GTF2B: variants seen among roughly 807,000 people sequenced by gnomAD.
The protein encoded by GTF2B is general transcription factor IIB, also known as transcription initiation factor IIB.
A neutral mutation model predicts 34.6 loss-of-function variants in GTF2B; 20 were observed. The ratio of observed to expected loss-of-function variants is 0.58; its 90% CI spans 0.41 to 0.84. The LOEUF (loss-of-function observed/expected upper bound fraction) is 0.84, where lower values mean the gene tolerates loss of function less well. Ranked by LOEUF, GTF2B falls within the 40% of genes least tolerant of loss-of-function variation. GTF2B has a pLI of 0.00. For missense variants in GTF2B, 237 were observed against 393.3 expected (o/e 0.60, Z 3.36); for synonymous variants, 142 against 132.4 (o/e 1.07, Z -0.50).
chr1:88,876,192 A>AT (rs939249014), intron 2 of GTF2B, among the ~76,000 whole-genome samples: 1 of 152,174 alleles, frequency 6.6e-6, no homozygotes, highest in Non-Finnish European at 1.5e-5. Flanking sequence ...ATGAAACCTG[A>AT]TTTTTTCCTT....
intron 2 of GTF2B, among the ~76,000 whole-genome samples, chr1:88,865,259 AT>A (rs1483574623): frequency 6.6e-6 from 1 of 152,252 alleles, no homozygotes; most frequent in East Asian, 1.9e-4. Flanking sequence ...TTTAAAGATT[AT>A]AAAGACTAAG....
intron 1 of GTF2B, among the ~76,000 whole-genome samples, 196 bp downstream of exon 1, chr1:88,891,287 C>CAGCTT (rs1674198156): frequency 6.6e-6 from 1 of 152,206 alleles, no homozygotes; most frequent in Admixed American, 6.6e-5. Context: ...ATAACGTCAA[C>CAGCTT]AGCTCGGTAA....
intron 2 of GTF2B, among the ~76,000 whole-genome samples, chr1:88,870,668 C>G (rs1412384779): frequency 1.3e-5 from 2 of 152,120 alleles, no homozygotes; most frequent in East Asian, 3.8e-4. Flanking sequence ...TGGCAAAAAA[C>G]ATATTCCATT....
chr1:88,873,065 A>T (rs1673735176), intron 2 of GTF2B, among the ~76,000 whole-genome samples: 1 of 152,092 alleles, frequency 6.6e-6, no homozygotes, highest in African/African-American at 2.4e-5. Context: ...AATCCAATCC[A>T]GATAATCTTC....
At position 88,857,210 on chromosome 1, in the gene GTF2B, T is replaced by C. The variant is rs1364291111; in HGVS notation, c.813A>G (p.Gln271=). 5.6e-6 allele frequency: 9 copies of C among 1,605,526 alleles called. No individual in the cohort carries two copies. The highest frequency in any genetic ancestry group is 6.8e-6 in the Non-Finnish European group (8 of 1,176,590). ...ASQASAEKRT[Q]KEIGDIAGVA... The stretch of plus-strand genomic sequence containing the variant: ...CTTCCTGATGACGAACCCTACCTTT[T>C]TGGGTCCTCTTTTCAGCTGATGCCT... The change falls in exon 6 of 7, where the codon CAA becomes CAG. Residue 271 remains glutamine (Q), a synonymous_variant. Transcript: ENST00000370500.
chr1:88,885,687 T>C (rs963569014), intron 2 of GTF2B, among the ~76,000 whole-genome samples: 3 of 151,840 alleles, frequency 2.0e-5, no homozygotes, highest in African/African-American at 7.3e-5. Flanking sequence ...GAGGCGGAGG[T>C]TGTGGTGAAC....
chr1:88,888,642 G>C (rs1674128274), intron 1 of GTF2B, among the ~76,000 whole-genome samples: 1 of 152,172 alleles, frequency 6.6e-6, no homozygotes. Context: ...GTATTAAAAA[G>C]TAGATAGAAA....
At chr1:88,867,783 CAA>C (rs1383369814) in intron 2 of GTF2B, among the ~76,000 whole-genome samples, 1 of 151,886 alleles carries the variant, frequency 6.6e-6, no homozygotes, top group Non-Finnish European at 1.5e-5. Flanking sequence ...TTTATAAAGA[CAA>C]GATGGATTTT....
intron 2 of GTF2B, among the ~76,000 whole-genome samples, chr1:88,872,223 G>A (rs1353184880): frequency 6.6e-6 from 1 of 151,952 alleles, no homozygotes; most frequent in Non-Finnish European, 1.5e-5. Context: ...GGAGGCCAAG[G>A]TGGGCGGATC....
At chr1:88,881,165 T>C (rs1279271736) in intron 2 of GTF2B, among the ~76,000 whole-genome samples, 1 of 138,624 alleles carries the variant, frequency 7.2e-6, no homozygotes, top group Non-Finnish European at 1.5e-5. Flanking sequence ...GCTAGGTATG[T>C]ATTTAAAAAA....
Position 88,871,569 on chromosome 1 carries a change from T to C in GTF2B, c.125-7455A>G, listed in dbSNP as rs147574818. On this transcript the variant is annotated intron_variant, in intron 2 of 6. Coordinates refer to ENST00000370500, the MANE Select transcript of GTF2B (RefSeq NM_001514.6). ...GCCAAAGTCAGTCAAGTGGTCATGC[T>C]TCAAAGGGGAGAAATACAATTACAT... is the stretch of plus-strand genomic sequence containing the variant. Among the ~76,000 whole-genome samples the C allele has an allele frequency of 3.5e-3, 532 of 152,284 alleles. 4 individuals carry two copies. Among genetic ancestry groups the C allele is most frequent in the African/African-American group, 0.012 (514 of 41,558 alleles).
intron 2 of GTF2B, among the ~76,000 whole-genome samples, chr1:88,865,595 C>T (rs954905121): frequency 6.6e-6 from 1 of 152,152 alleles, no homozygotes; most frequent in African/African-American, 2.4e-5. Context: ...GTGGCACATG[C>T]CTGTAATCCC....
intron 3 of GTF2B, 87 bp downstream of exon 3, chr1:88,863,894 C>G (rs891176966): frequency 2.7e-6 from 3 of 1,115,092 alleles, no homozygotes; most frequent in Non-Finnish European, 4.1e-6. Flanking sequence ...CCCACTGGTG[C>G]AGTGACTGAT....
rs141868697 is a variant in GTF2B, at chr1:88,857,314, G to A, written c.709C>T (p.Arg237Cys). The A allele has an allele frequency of 3.7e-4, 594 of 1,613,064 alleles. 3 individuals carry two copies. The highest frequency in any genetic ancestry group is 1.4e-4 in the Non-Finnish European group (160 of 1,179,144). Residue 237 changes from arginine to cysteine, a missense_variant, in exon 6 of 7, where the codon CGT (arginine) becomes TGT (cysteine). Coordinates refer to ENST00000370500, the MANE Select transcript of GTF2B (RefSeq NM_001514.6). ...ACCAAGTCCAGTTCCACAGCTTTAC[G>A]GGCTATATGTGTAGCTGCCATCTGT... is the stretch of plus-strand genomic sequence containing the variant. ...QVQMAATHIA[R>C]KAVELDLVPG...
chr1:88,870,147 C>T (rs1404733700), intron 2 of GTF2B, among the ~76,000 whole-genome samples: 4 of 151,946 alleles, frequency 2.6e-5, no homozygotes, highest in African/African-American at 9.7e-5. Context: ...AGGATGGTCT[C>T]GATCTCCTGA....
chr1:88,860,165 C>T lies in GTF2B; in HGVS notation c.380G>A (p.Arg127Lys), dbSNP rs1436429762. 1 of 1,614,096 alleles carries T rather than the reference C, an allele frequency of 6.2e-7. No individual in the cohort carries two copies. Among genetic ancestry groups the T allele is most frequent in the Non-Finnish European group, 8.5e-7 (1 of 1,179,958 alleles). The change falls in exon 4 of 7, where the codon AGA (arginine) becomes AAA (lysine). Residue 127 changes from arginine (R) to lysine (K), a missense_variant. This residue lies in a region of GTF2B where 130 missense variants were observed against 170.9 expected (regional missense o/e 0.76). Transcript: ENST00000370500. ...AFKEITTMAD[R>K]INLPRNIVDR... is the part of the protein sequence containing the mutation. ...AACTATATTTCGAGGTAGATTGATT[C>T]TGTCTGCCATGGTAGTGATTTCTTT...
chr1:88,860,315 A>C, intron 3 of GTF2B, 29 bp from the exon 4 acceptor site: 1 of 1,569,398 alleles, frequency 6.4e-7, no homozygotes, highest in Non-Finnish European at 8.7e-7. Context: ...ACTATGAAAA[A>C]ATTTTTTGGA....
At chr1:88,854,757 A>C (rs1673264820) in intron 6 of GTF2B, among the ~76,000 whole-genome samples, 1 of 152,170 alleles carries the variant, frequency 6.6e-6, no homozygotes, top group Admixed American at 6.5e-5. Flanking sequence ...CAGCCTCCCA[A>C]AATGCTGGGA....
intron 2 of GTF2B, among the ~76,000 whole-genome samples, chr1:88,871,605 C>G (rs1281954667): frequency 6.6e-6 from 1 of 152,166 alleles, no homozygotes; most frequent in African/African-American, 2.4e-5. Context: ...CATATACCCT[C>G]AAGGAGAACC....
Sources: gnomAD v4.1 joint callset for allele counts (sites outside exome capture counted in the v4.1 genomes callset) on GRCh38, gnomAD v4.1.1 for gene constraint, gnomAD v4.1.1 regional missense constraint, MANE v1.5 for transcripts, NCBI Gene and HGNC (gene_info 2026-07-23, HGNC 2026-07-21) for gene names.